The following RIMS2 variants were observed in gnomAD, a reference collection of about 807,000 sequenced individuals.
The protein encoded by RIMS2 is regulating synaptic membrane exocytosis protein 2.
A neutral mutation model predicts 174.4 loss-of-function variants in RIMS2; 59 were observed. The ratio of observed to expected loss-of-function variants is 0.34; its 90% CI spans 0.27 to 0.42. The LOEUF (loss-of-function observed/expected upper bound fraction) is 0.42. Ranked by LOEUF, RIMS2 falls within the 10% of genes least tolerant of loss-of-function variation. RIMS2 has a pLI of 1.00. For missense variants in RIMS2, 1,620 were observed against 1,666.3 expected, an observed-to-expected ratio of 0.97 and a Z score of 0.48; for synonymous variants, 606 against 572.5, an observed-to-expected ratio of 1.06 and a Z score of -0.84.
chr8:104,176,039 T>C (rs1344904915), intron 19 of RIMS2, among the ~76,000 whole-genome samples: 2 of 152,146 alleles, frequency 1.3e-5, no homozygotes, highest in East Asian at 3.9e-4. Context: ...ATTCTCTCTC[T>C]CTGTGTTTCT....
intron 3 of RIMS2, chr8:103,880,735 A>T: frequency 2.2e-6 from 1 of 456,612 alleles, no homozygotes; most frequent in East Asian, 3.4e-5. Flanking sequence ...ATATGTAAAA[A>T]TTTATATATT....
chr8:104,203,494 C>CTTTTTTT (rs10545100), intron 19 of RIMS2, among the ~76,000 whole-genome samples: 20 of 72,772 alleles, frequency 2.7e-4, no homozygotes, highest in African/African-American at 3.8e-4. Context: ...AGACACTGTA[C>CTTTTTTT]TTTTTTTTTT....
chr8:104,247,072 C>G (rs2099337688), intron 20 of RIMS2, among the ~76,000 whole-genome samples: 1 of 152,024 alleles, frequency 6.6e-6, no homozygotes, highest in Non-Finnish European at 1.5e-5. Flanking sequence ...AATACAGAAG[C>G]TAGGGAATGG....
At chr8:104,135,082 T>C (rs945647037) in intron 19 of RIMS2, among the ~76,000 whole-genome samples, 3 of 152,198 alleles carry the variant, frequency 2.0e-5, no homozygotes, top group Non-Finnish European at 4.4e-5. Context: ...ACTTCATGTA[T>C]ATGGTATAAG....
At chr8:103,936,426 C>A in intron 12 of RIMS2, 125 bp from the exon 15 acceptor site, 1 of 556,654 alleles carries the variant, frequency 1.8e-6, no homozygotes. Context: ...ATAACATTTG[C>A]AATGTATGAT....
chr8:103,913,147 T>TTTTTG (rs1554969453), intron 6 of RIMS2, among the ~76,000 whole-genome samples: 19 of 150,762 alleles, frequency 1.3e-4, no homozygotes, highest in Non-Finnish European at 2.8e-4. Context: ...TATTTTTTTT[T>TTTTTG]TTTTGTATTT....
rs1589742347 is a variant in RIMS2, at chr8:103,652,965, T to G, written c.177-44121T>G. 3.9e-5 allele frequency among the ~76,000 whole-genome samples: 6 copies of G among 152,292 alleles called. No individual in the cohort carries two copies. In the South Asian group the frequency reaches 1.2e-3, roughly 32 times the overall value. On this transcript the variant is annotated intron_variant, in intron 1 of 23. Coordinates refer to ENST00000504942, the Ensembl canonical transcript of RIMS2. ...AATAATGTAAGCCATACTTATTCAG[T>G]AAAACATCCTTTTCCAACAATGCAA...
At chr8:104,253,004 A>C (rs755202751), downstream of RIMS2, 1 of 152,238 alleles carries the variant, frequency 6.6e-6, no homozygotes, top group Non-Finnish European at 1.5e-5. Flanking sequence ...ATTAACTTTA[A>C]GAGCTTTCTT....
intron 20 of RIMS2, among the ~76,000 whole-genome samples, chr8:104,248,441 C>T (rs1215243761): frequency 1.3e-5 from 2 of 152,098 alleles, no homozygotes; most frequent in African/African-American, 4.8e-5. Flanking sequence ...CACAGTCTGC[C>T]TTTGAGACCA....
chr8:103,773,749 A>G (rs1221456709), intron 3 of RIMS2, among the ~76,000 whole-genome samples: 1 of 152,058 alleles, frequency 6.6e-6, no homozygotes. Context: ...AAACAAATCT[A>G]TAAGGAAATA....
chr8:103,520,952 T>C (rs1284414202), intron 1 of RIMS2, among the ~76,000 whole-genome samples: 5 of 152,088 alleles, frequency 3.3e-5, no homozygotes, highest in African/African-American at 9.7e-5. Context: ...TGCGATAGTT[T>C]GCTGAGAATG....
intron 17 of RIMS2, among the ~76,000 whole-genome samples, chr8:104,012,826 T>C (rs1176574041): frequency 1.3e-5 from 2 of 152,194 alleles, no homozygotes; most frequent in Admixed American, 1.3e-4. Context: ...CCACTCTGAA[T>C]TGAATCAGTT....
intron 19 of RIMS2, among the ~76,000 whole-genome samples, chr8:104,116,186 G>C (rs2098274937): frequency 6.6e-6 from 1 of 152,128 alleles, no homozygotes; most frequent in Non-Finnish European, 1.5e-5. Context: ...TAATTTCACT[G>C]TACTCATGTG....
chr8:103,634,675 A>G (rs979542285), intron 1 of RIMS2, among the ~76,000 whole-genome samples: 1 of 152,094 alleles, frequency 6.6e-6, no homozygotes. Flanking sequence ...TTCTCTAGGA[A>G]CTTGCTTTAT....
intron 3 of RIMS2, among the ~76,000 whole-genome samples, chr8:103,833,944 C>T (rs2098841673): frequency 6.6e-6 from 1 of 152,062 alleles, no homozygotes; most frequent in Non-Finnish European, 1.5e-5. Context: ...ACTAATAATG[C>T]TTTATAGTCT....
intron 17 of RIMS2, among the ~76,000 whole-genome samples, chr8:103,999,402 ATT>A (rs2095287226): frequency 6.6e-6 from 1 of 151,342 alleles, no homozygotes; most frequent in Admixed American, 6.6e-5. Flanking sequence ...GCTATATTTA[ATT>A]TTCTTTTGCA....
chr8:103,747,695 A>G (rs1297961734), intron 2 of RIMS2, among the ~76,000 whole-genome samples: 1 of 152,140 alleles, frequency 6.6e-6, no homozygotes, highest in Admixed American at 6.5e-5. Flanking sequence ...ATATGAGAGA[A>G]AAATATTACT....
intron 19 of RIMS2, among the ~76,000 whole-genome samples, chr8:104,156,349 T>C (rs1472060321): frequency 1.3e-5 from 2 of 152,174 alleles, no homozygotes; most frequent in African/African-American, 4.8e-5. Flanking sequence ...TCTGCTTCTA[T>C]TCCATTGGCT....
At chr8:103,794,082 T>C (rs546297288) in intron 3 of RIMS2, among the ~76,000 whole-genome samples, 47 of 151,972 alleles carry the variant, frequency 3.1e-4, no homozygotes, top group South Asian at 1.7e-3. Flanking sequence ...AAAAAAACTA[T>C]GTTAAACTTC....
Sources: allele counts gnomAD v4.1 joint callset (sites outside exome capture counted in the v4.1 genomes callset), GRCh38; gene constraint gnomAD v4.1.1; transcripts MANE v1.5; gene names NCBI Gene and HGNC (gene_info 2026-07-23, HGNC 2026-07-21).